Variants in GRM7 observed in about 807,000 individuals in gnomAD.
GRM7 encodes glutamate metabotropic receptor 7.
GRM7 carries 35 observed loss-of-function variants against 84.5 expected under a neutral mutation model. That is an observed-to-expected ratio of 0.41 (90% CI 0.32 to 0.55). The LOEUF is 0.55. GRM7 is among the 20% of genes least tolerant of loss of function. The pLI, the probability that GRM7 is intolerant of heterozygous loss-of-function variation, is 0.19. For missense variants in GRM7, 1,003 were observed against 1,194.6 expected, an observed-to-expected ratio of 0.84 and a Z score of 2.36; for synonymous variants, 487 against 455.1, an observed-to-expected ratio of 1.07 and a Z score of -0.89.
At chr3:7,084,143 C>T (rs1465931774) in intron 1 of GRM7, among the ~76,000 whole-genome samples, 1 of 152,072 alleles carries the variant, frequency 6.6e-6, no homozygotes, top group East Asian at 1.9e-4. Context: ...ATCATTTGGG[C>T]TACTCTCTGG....
chr3:7,633,522 T>G (rs1697944802), intron 8 of GRM7, among the ~76,000 whole-genome samples: 1 of 152,026 alleles, frequency 6.6e-6, no homozygotes, highest in Non-Finnish European at 1.5e-5. Flanking sequence ...GGGGCTGGTG[T>G]GCATAGCGGG....
intron 7 of GRM7, among the ~76,000 whole-genome samples, chr3:7,495,832 C>T (rs777525040): frequency 6.6e-6 from 1 of 152,202 alleles, no homozygotes; most frequent in Non-Finnish European, 1.5e-5. Context: ...TGCCCTTTGG[C>T]TGTTCCTCTA....
intron 1 of GRM7, among the ~76,000 whole-genome samples, chr3:6,885,987 T>G (rs1695677282): frequency 6.6e-6 from 1 of 152,190 alleles, no homozygotes; most frequent in African/African-American, 2.4e-5. Flanking sequence ...CAGTTAAAAT[T>G]TGTATATATT....
chr3:7,352,319 C>A (rs1693197633), intron 4 of GRM7, among the ~76,000 whole-genome samples: 1 of 152,040 alleles, frequency 6.6e-6, no homozygotes. Context: ...TTCAGTGACT[C>A]TATACATGGC....
At chr3:7,458,994 T>G (rs1316991978) in intron 6 of GRM7, among the ~76,000 whole-genome samples, 1 of 152,212 alleles carries the variant, frequency 6.6e-6, no homozygotes, top group Non-Finnish European at 1.5e-5. Flanking sequence ...AAATCTTTTG[T>G]TGTTATTGAT....
At position 7,295,687 on chromosome 3, in the gene GRM7, C is replaced by T. The variant is rs149762696; in HGVS notation, c.737-2997C>T. Reference sequence around the variant, plus strand: ...TGTTGCCTAAGCAGGACTGGTTTTTCGGTGATACTATTAAATGGCGTTGTG... The same window carrying T: ...TGTTGCCTAAGCAGGACTGGTTTTTTGGTGATACTATTAAATGGCGTTGTG... On this transcript the variant is annotated intron_variant, in intron 2 of 9. Coordinates refer to ENST00000357716, the MANE Select transcript of GRM7 (RefSeq NM_000844.4). 2.5e-3 allele frequency among the ~76,000 whole-genome samples: 386 copies of T among 152,158 alleles called. 1 individual carries two copies. The highest frequency in any genetic ancestry group is 8.8e-3 in the African/African-American group (365 of 41,518).
chr3:7,375,208 C>T (rs949693616), intron 4 of GRM7, among the ~76,000 whole-genome samples: 4 of 145,054 alleles, frequency 2.8e-5, no homozygotes, highest in African/African-American at 1.1e-4. Context: ...CTCATTTAAA[C>T]ATCCCCTTTT....
chr3:7,064,963 G>A (rs565198810), intron 1 of GRM7, among the ~76,000 whole-genome samples: 3 of 151,774 alleles, frequency 2.0e-5, no homozygotes, highest in African/African-American at 4.8e-5. Context: ...TTTTTCATAT[G>A]TTCATTGGCC....
At chr3:7,589,012 A>G (rs555608438) in intron 8 of GRM7, among the ~76,000 whole-genome samples, 1 of 152,334 alleles carries the variant, frequency 6.6e-6, no homozygotes, top group East Asian at 1.9e-4. Context: ...TCAAGGCCAG[A>G]TATTTAGGCT....
intron 8 of GRM7, among the ~76,000 whole-genome samples, chr3:7,586,302 A>G (rs1430313328): frequency 6.6e-6 from 1 of 152,212 alleles, no homozygotes; most frequent in African/African-American, 2.4e-5. Flanking sequence ...TATACCTAGC[A>G]TACTGCTCCA....
At chr3:7,627,348 C>T (rs1031005300) in intron 8 of GRM7, among the ~76,000 whole-genome samples, 2 of 152,132 alleles carry the variant, frequency 1.3e-5, no homozygotes, top group Non-Finnish European at 2.9e-5. Flanking sequence ...TATCTTTCTG[C>T]AGATGTAGAA....
chr3:7,087,757 T>C (rs1415796124), intron 1 of GRM7, among the ~76,000 whole-genome samples: 1 of 152,160 alleles, frequency 6.6e-6, no homozygotes, highest in East Asian at 1.9e-4. Flanking sequence ...AAAGGGTTTA[T>C]AAAATTAATT....
intron 8 of GRM7, among the ~76,000 whole-genome samples, chr3:7,638,782 C>T (rs968834134): frequency 3.9e-5 from 6 of 152,136 alleles, no homozygotes; most frequent in Non-Finnish European, 8.8e-5. Context: ...AATGTGGAAA[C>T]GAAGACACCA....
At chr3:7,344,480 A>G (rs747361046) in intron 4 of GRM7, among the ~76,000 whole-genome samples, 1 of 152,046 alleles carries the variant, frequency 6.6e-6, no homozygotes, top group Non-Finnish European at 1.5e-5. Flanking sequence ...CATTTTCTCT[A>G]TCTAGTCTGT....
At chr3:7,268,843 A>G (rs779553873) in intron 2 of GRM7, among the ~76,000 whole-genome samples, 1 of 152,126 alleles carries the variant, frequency 6.6e-6, no homozygotes, top group Non-Finnish European at 1.5e-5. Context: ...GTGACTTGGA[A>G]CTTCAGCATG....
At chr3:7,059,860 G>T (rs1697371048) in intron 1 of GRM7, among the ~76,000 whole-genome samples, 1 of 151,806 alleles carries the variant, frequency 6.6e-6, no homozygotes, top group Non-Finnish European at 1.5e-5. Context: ...GAATCTGCTA[G>T]TTCTTTCATC....
chr3:7,681,915 T>A (rs532279529), intron 9 of GRM7: 29 of 152,334 alleles, frequency 1.9e-4, no homozygotes, highest in African/African-American at 6.7e-4. Context: ...CGTCTTTCCC[T>A]TCCTGAAGAG....
At chr3:7,421,261 TC>T (rs879532188) in intron 5 of GRM7, among the ~76,000 whole-genome samples, 2 of 152,180 alleles carry the variant, frequency 1.3e-5, no homozygotes, top group Admixed American at 1.3e-4. Context: ...TGCCAATTAT[TC>T]CACTGGATAA....
intron 5 of GRM7, among the ~76,000 whole-genome samples, chr3:7,452,003 C>A (rs1447644855): frequency 6.6e-6 from 1 of 152,014 alleles, no homozygotes; most frequent in Non-Finnish European, 1.5e-5. Context: ...TGGTGGGAGG[C>A]ATAAAGAGGC....
Sources: gnomAD v4.1 joint callset for allele counts (sites outside exome capture counted in the v4.1 genomes callset) on GRCh38, gnomAD v4.1.1 for gene constraint, MANE v1.5 for transcripts, NCBI Gene and HGNC (gene_info 2026-07-23, HGNC 2026-07-21) for gene names.